The following FNDC1 variants were observed in gnomAD, a reference collection of about 807,000 sequenced individuals.
The protein encoded by FNDC1 is fibronectin type III domain containing 1.
Under a neutral mutation model 168.0 loss-of-function variants are expected in FNDC1, and 96 were observed. That is an observed-to-expected ratio of 0.57 (90% CI 0.48 to 0.68). FNDC1 has a LOEUF of 0.68. Ranked by LOEUF, FNDC1 falls within the 30% of genes least tolerant of loss-of-function variation. The pLI, the probability that FNDC1 is intolerant of heterozygous loss-of-function variation, is 0.00. For missense variants in FNDC1, 2,587 were observed against 2,482.1 expected, an observed-to-expected ratio of 1.04 and a Z score of -0.90; for synonymous variants, 1,099 against 1,025.9, an observed-to-expected ratio of 1.07 and a Z score of -1.36.
intron 4 of FNDC1, among the ~76,000 whole-genome samples, chr6:159,214,125 C>T: frequency 6.6e-6 from 1 of 152,142 alleles, no homozygotes; most frequent in East Asian, 1.9e-4. Context: ...AACTGGATCC[C>T]CAAATGAGGG....
intron 18 of FNDC1, among the ~76,000 whole-genome samples, chr6:159,260,965 C>T (rs1455334213): frequency 6.6e-6 from 1 of 152,160 alleles, no homozygotes; most frequent in Non-Finnish European, 1.5e-5. Context: ...CTTCTACTGC[C>T]ATTAGCCATG....
At chr6:159,208,823 G>A (rs1782537896) in intron 4 of FNDC1, among the ~76,000 whole-genome samples, 1 of 151,278 alleles carries the variant, frequency 6.6e-6, no homozygotes, top group Non-Finnish European at 1.5e-5. Context: ...CTGATGGCCA[G>A]GCATTCAAAT....
At chr6:159,252,729 A>G (rs1777296053) in intron 17 of FNDC1, among the ~76,000 whole-genome samples, 1 of 152,264 alleles carries the variant, frequency 6.6e-6, no homozygotes, top group South Asian at 2.1e-4. Context: ...AATTGAACAC[A>G]CTTCTGTGAA....
intron 6 of FNDC1, among the ~76,000 whole-genome samples, chr6:159,222,599 C>G (rs547624433): frequency 6.6e-6 from 1 of 152,306 alleles, no homozygotes; most frequent in East Asian, 1.9e-4. Flanking sequence ...AGACTATAAG[C>G]TTTGTGACTG....
In FNDC1 at chr6:159,232,214, C is replaced by A. The variant is rs1344339304; in HGVS notation, c.1702C>A (p.Pro568Thr). The A allele has an allele frequency of 6.2e-7, 1 of 1,613,254 alleles. No homozygotes were observed. Residue 568 changes from proline (P) to threonine (T), a missense_variant, in exon 11 of 23, where the codon CCG (proline) becomes ACG (threonine). Pro to Thr is a conservative substitution (Grantham distance 38). Coordinates refer to ENST00000297267, the MANE Select transcript of FNDC1 (RefSeq NM_032532.3). The surrounding 1 kb of genome is among the most constrained non-coding windows in gnomAD (Gnocchi z 4.9). ...CCAAGACCAGAAACGGACCCTGAGG[C>A]CGCCAAGTAGACACGGCCACTCGGT... ...DTQDQKRTLR[P>T]PSRHGHSVVA...
chr6:159,233,820 C>T lies in FNDC1; in HGVS notation c.3308C>T (p.Ala1103Val). 6.5e-7 allele frequency: 1 copy of T among 1,540,342 alleles called. No homozygotes were observed. The highest frequency in any genetic ancestry group is 8.8e-7 in the Non-Finnish European group (1 of 1,142,446). Residue 1103 changes from alanine (A) to valine (V), a missense_variant, in exon 11 of 23, where the codon GCA (alanine) becomes GTA (valine). By Grantham distance (64) the Ala-to-Val change is moderately conservative. Coordinates refer to ENST00000297267, the MANE Select transcript of FNDC1 (RefSeq NM_032532.3). This position sits in a 1 kb window ranked among gnomAD's most constrained non-coding sequence, Gnocchi z 4.6. Reference protein sequence around the residue: ...APAHAARAKEAAASLPKHQQV... With the variant: ...APAHAARAKEVAASLPKHQQV... ...GCGCACGCCGCGCGCGCCAAGGAGG[C>T]AGCTGCGTCCCTTCCCAAGCACCAG...
intron 5 of FNDC1, 33 bp from the exon 6 acceptor site, chr6:159,221,565 T>A: frequency 6.4e-7 from 1 of 1,550,972 alleles, no homozygotes; most frequent in Non-Finnish European, 8.9e-7. Flanking sequence ...GAAATGGAAG[T>A]CAGAATCTCA....
At chr6:159,271,016 A>G (rs570515070) in intron 22 of FNDC1, among the ~76,000 whole-genome samples, 8 of 152,244 alleles carry the variant, frequency 5.3e-5, no homozygotes, top group African/African-American at 1.9e-4. Context: ...CTGGGTTCCT[A>G]TGGAGGAGGC....
chr6:159,214,305 A>G (rs1442058160), intron 4 of FNDC1, among the ~76,000 whole-genome samples: 1 of 152,228 alleles, frequency 6.6e-6, no homozygotes, highest in Non-Finnish European at 1.5e-5. Flanking sequence ...TAGTGAGGGC[A>G]TTTCTTGAGA....
At position 159,217,252 on chromosome 6, in the gene FNDC1, A is replaced by G. The variant is rs1782727636; in HGVS notation, c.667+2101A>G. On this transcript the variant is annotated intron_variant, in intron 5 of 22. Transcript: ENST00000297267. ...GATGCCGGCCTGCACAGAGAGAAAC[A>G]GGGGCTCAGGAGACAGCCAAGGCTG... Among the ~76,000 whole-genome samples the G allele has an allele frequency of 2.0e-5, 3 of 152,314 alleles. No homozygotes were observed. In the South Asian group the frequency reaches 6.2e-4, roughly 32 times the overall value.
At chr6:159,192,500 A>G (rs961857642) in intron 1 of FNDC1, among the ~76,000 whole-genome samples, 15 of 152,214 alleles carry the variant, frequency 9.9e-5, no homozygotes, top group Admixed American at 1.3e-4. Flanking sequence ...GAGAGGAAGC[A>G]TGCCTATTTT....
intron 1 of FNDC1, among the ~76,000 whole-genome samples, chr6:159,187,179 C>T (rs534618379): frequency 3.4e-4 from 52 of 152,184 alleles, no homozygotes; most frequent in African/African-American, 9.9e-4. Flanking sequence ...CATAACAGGG[C>T]GCTTTGGGGC....
chr6:159,256,695 T>C, intron 18 of FNDC1, 64 bp downstream of exon 18: 5 of 1,271,348 alleles, frequency 3.9e-6, no homozygotes, highest in Admixed American at 3.6e-5. Flanking sequence ...TTTGCTTTGG[T>C]TGGAAATGAA....
chr6:159,215,480 T>C (rs1020269043), intron 5 of FNDC1, among the ~76,000 whole-genome samples: 6 of 152,226 alleles, frequency 3.9e-5, no homozygotes, highest in Non-Finnish European at 8.8e-5. Context: ...ATTTTGTTCT[T>C]TGAAGCTTTG....
At chr6:159,261,156 GTC>G in intron 18 of FNDC1, 32 bp from the exon 19 acceptor site, 1 of 1,514,840 alleles carries the variant, frequency 6.6e-7, no homozygotes, top group Non-Finnish European at 9.1e-7. Context: ...TCAAATACAT[GTC>G]TCTTTCAAAA....
intron 11 of FNDC1, among the ~76,000 whole-genome samples, 184 bp from the exon 12 acceptor site, chr6:159,236,031 C>T (rs1418989197): frequency 6.6e-6 from 1 of 152,176 alleles, no homozygotes; most frequent in Admixed American, 6.5e-5. Flanking sequence ...ACATTCATAT[C>T]TGTTGTGGAG....
At chr6:159,223,377 T>C (rs866449810) in intron 6 of FNDC1, 151 bp from the exon 7 acceptor site, 12 of 531,892 alleles carry the variant, frequency 2.3e-5, no homozygotes, top group Middle Eastern at 3.6e-4. Flanking sequence ...CCAATAATTG[T>C]TTACCTTTCT....
At chr6:159,255,394 C>T (rs942040687) in intron 17 of FNDC1, among the ~76,000 whole-genome samples, 1 of 152,182 alleles carries the variant, frequency 6.6e-6, no homozygotes, top group Non-Finnish European at 1.5e-5. Flanking sequence ...CCCAGAGAAG[C>T]TCTTTGTGTC....
intron 4 of FNDC1, among the ~76,000 whole-genome samples, chr6:159,203,170 A>G (rs1782413183): frequency 6.6e-6 from 1 of 152,158 alleles, no homozygotes; most frequent in South Asian, 2.1e-4. Context: ...TGAAGACTCT[A>G]TTTCTGAATA....
Sources: gnomAD v4.1 joint callset for allele counts (sites outside exome capture counted in the v4.1 genomes callset) on GRCh38, gnomAD v4.1.1 for gene constraint, Gnocchi (gnomAD v3.1) non-coding constraint, MANE v1.5 for transcripts, NCBI Gene and HGNC (gene_info 2026-07-23, HGNC 2026-07-21) for gene names.